DPP6: variants seen among roughly 807,000 people sequenced by gnomAD.
DPP6 encodes the protein dipeptidyl peptidase like 6, also known as A-type potassium channel modulatory protein DPP6.
In DPP6, 69 loss-of-function variants were observed where a neutral mutation model predicts 122.6. That is an observed-to-expected ratio of 0.56 (90% CI 0.46 to 0.69). The LOEUF (loss-of-function observed/expected upper bound fraction) is 0.69, where lower values mean the gene tolerates loss of function less well. Ranked by LOEUF, DPP6 falls within the 30% of genes least tolerant of loss-of-function variation. The pLI is 0.00. For missense variants in DPP6, 928 were observed against 1,116.9 expected (o/e 0.83, Z 2.41); for synonymous variants, 418 against 433.1 (o/e 0.97, Z 0.43).
At chr7:154,410,183 A>G (rs184284448) in intron 1 of DPP6, among the ~76,000 whole-genome samples, 1 of 152,344 alleles carries the variant, frequency 6.6e-6, no homozygotes, top group East Asian at 1.9e-4. Flanking sequence ...GTGGAAACAG[A>G]GCTTACATAA....
chr7:153,852,431 G>A, the DPP6 span, among the ~76,000 whole-genome samples: 1 of 151,964 alleles, frequency 6.6e-6, no homozygotes, highest in South Asian at 2.1e-4. Context: ...CAAGAGAGTG[G>A]GAGCTGCCAT....
intron 8 of DPP6, among the ~76,000 whole-genome samples, chr7:154,735,935 C>T (rs1842550646): frequency 1.3e-5 from 2 of 152,242 alleles, no homozygotes; most frequent in Admixed American, 6.5e-5. Context: ...CCTCACTTGA[C>T]CCTGAGTCCC....
chr7:154,326,608 G>A (rs549839672), intron 1 of DPP6, among the ~76,000 whole-genome samples: 16 of 152,306 alleles, frequency 1.1e-4, no homozygotes, highest in Admixed American at 5.2e-4. Context: ...AATTCTGCCA[G>A]TCTGTTGTAT....
chr7:154,359,410 A>T (rs1291559339), intron 1 of DPP6, among the ~76,000 whole-genome samples: 2 of 152,144 alleles, frequency 1.3e-5, no homozygotes, highest in African/African-American at 2.4e-5. Context: ...CAAGTCCTTG[A>T]TGAAAGGTTC....
intron 1 of DPP6, among the ~76,000 whole-genome samples, chr7:154,384,042 C>A (rs1022958829): frequency 2.0e-5 from 3 of 152,148 alleles, no homozygotes; most frequent in African/African-American, 7.2e-5. Flanking sequence ...CAGGGAGCAG[C>A]TGCTTTGCAC....
chr7:154,375,275 G>A (rs1273017477), intron 1 of DPP6, among the ~76,000 whole-genome samples: 1 of 152,042 alleles, frequency 6.6e-6, no homozygotes, highest in Non-Finnish European at 1.5e-5. Flanking sequence ...CCCTTGAGTG[G>A]CTATATGCCT....
intron 5 of DPP6, among the ~76,000 whole-genome samples, chr7:154,572,037 G>A (rs1831144389): frequency 6.6e-6 from 1 of 152,194 alleles, no homozygotes; most frequent in African/African-American, 2.4e-5. Context: ...CAGGGCATGG[G>A]TGTTGACAGG....
chr7:154,375,373 C>T (rs375723912), intron 1 of DPP6, among the ~76,000 whole-genome samples: 35 of 152,156 alleles, frequency 2.3e-4, no homozygotes, highest in Middle Eastern at 3.4e-3. Context: ...AGGCAGGACC[C>T]GGAAAGGCAC....
chr7:154,121,989 T>C (rs1476672032), intron 1 of DPP6, among the ~76,000 whole-genome samples: 2 of 152,258 alleles, frequency 1.3e-5, no homozygotes, highest in Non-Finnish European at 2.9e-5. Context: ...CTCACAATTA[T>C]AGTAATTACT....
In DPP6 at chr7:154,089,058, A is replaced by G. The variant is rs547653317; in HGVS notation, c.243+35995A>G. Among the ~76,000 whole-genome samples, 9 of 152,168 alleles carry G rather than the reference A, an allele frequency of 5.9e-5. No individual in the cohort carries two copies. The South Asian group carries it at 1.9e-3, about 32-fold the overall frequency. ...CTCATGGAGTGAGAAGTAGTTGAAA[A>G]CACTAAAGTTGTGTACCCTACAAAA... On this transcript the variant is annotated intron_variant, in intron 1 of 25. Coordinates refer to ENST00000377770, the MANE Select transcript of DPP6 (RefSeq NM_130797.4).
chr7:154,750,612 CCT>C (rs1265186108), intron 8 of DPP6, among the ~76,000 whole-genome samples: 1 of 152,194 alleles, frequency 6.6e-6, no homozygotes, highest in Non-Finnish European at 1.5e-5. Context: ...TCGGCTTCCT[CCT>C]CTCTGCCTCT....
At chr7:153,903,055 C>A (rs73494332) in intron 1 of DPP6, among the ~76,000 whole-genome samples, 19 of 152,330 alleles carry the variant, frequency 1.2e-4, no homozygotes, top group African/African-American at 4.3e-4. Context: ...CCCAGGCTTG[C>A]AGATGCTGAG....
At chr7:154,550,820 G>C (rs1215512224) in intron 4 of DPP6, among the ~76,000 whole-genome samples, 1 of 148,004 alleles carries the variant, frequency 6.8e-6, no homozygotes, top group African/African-American at 2.5e-5. Flanking sequence ...GCGCGATCTC[G>C]GCTCACTGCA....
At chr7:154,592,342 A>G (rs370295786) in intron 5 of DPP6, among the ~76,000 whole-genome samples, 5 of 152,208 alleles carry the variant, frequency 3.3e-5, no homozygotes, top group African/African-American at 4.8e-5. Context: ...AATGCCATGA[A>G]CACATGAAAT....
intron 1 of DPP6, among the ~76,000 whole-genome samples, chr7:154,439,299 T>C (rs1819165165): frequency 6.6e-6 from 1 of 152,178 alleles, no homozygotes; most frequent in Non-Finnish European, 1.5e-5. Flanking sequence ...GCTGTTATCA[T>C]ACACAGCAAG....
rs1841453924 is a variant in DPP6 at position 154,715,842 on chromosome 7, C to A, written c.763-11925C>A. 4.6e-5 allele frequency among the ~76,000 whole-genome samples: 7 copies of A among 152,296 alleles called. No homozygotes were observed. The South Asian group carries it at 1.5e-3, about 32-fold the overall frequency. On this transcript the variant is annotated intron_variant, in intron 7 of 25. Coordinates refer to ENST00000377770, the MANE Select transcript of DPP6 (RefSeq NM_130797.4). The stretch of plus-strand genomic sequence containing the variant: ...CACTAACTTCCAGTTGCCTATGGAG[C>A]AACTACCTGGAAGTCTCAGAGGCAT...
intron 1 of DPP6, among the ~76,000 whole-genome samples, chr7:154,387,872 T>G (rs1563586693): frequency 6.6e-6 from 1 of 152,238 alleles, no homozygotes; most frequent in Non-Finnish European, 1.5e-5. Context: ...TTATTTTTTC[T>G]GTTTCTTGTT....
intron 1 of DPP6, chr7:154,305,561 C>A: frequency 6.3e-7 from 1 of 1,594,638 alleles, no homozygotes; most frequent in Non-Finnish European, 8.5e-7. Context: ...GGTAATGCTG[C>A]TTTTGGGGGT....
chr7:154,631,018 T>C (rs908355508), intron 5 of DPP6, among the ~76,000 whole-genome samples: 1 of 152,184 alleles, frequency 6.6e-6, no homozygotes, highest in African/African-American at 2.4e-5. Context: ...ATATTGAATT[T>C]GGGGTTAAAG....
Sources: gnomAD v4.1 joint callset for allele counts (sites outside exome capture counted in the v4.1 genomes callset) on GRCh38, gnomAD v4.1.1 for gene constraint, MANE v1.5 for transcripts, NCBI Gene and HGNC (gene_info 2026-07-23, HGNC 2026-07-21) for gene names.